LDAH: variants seen among roughly 807,000 people sequenced by gnomAD.
LDAH encodes the protein lipid droplet associated hydrolase.
Under a neutral mutation model 29.6 loss-of-function variants are expected in LDAH, and 26 were observed. That is an observed-to-expected ratio of 0.88 (90% confidence interval 0.64 to 1.22). The LOEUF is 1.22. Ranked by LOEUF, LDAH falls within the 50% of genes most tolerant of loss-of-function variation. LDAH has a pLI of 0.00. For synonymous variants in LDAH, 117 were observed against 133.0 expected (o/e 0.88, Z 0.83); for missense variants, 344 against 387.3 (o/e 0.89, Z 0.94).
chr2:20,704,591 A>C (rs1001296588), intron 5 of LDAH, among the ~76,000 whole-genome samples: 1 of 152,240 alleles, frequency 6.6e-6, no homozygotes, highest in African/African-American at 2.4e-5. Flanking sequence ...TATTGTAAAG[A>C]TACATTATGT....
chr2:20,717,043 A>G (rs1037527477), intron 5 of LDAH, among the ~76,000 whole-genome samples: 1 of 152,186 alleles, frequency 6.6e-6, no homozygotes, highest in Non-Finnish European at 1.5e-5. Context: ...GGTCAACTGG[A>G]TAGTCCTATG....
At chr2:20,716,122 G>A (rs1665160777) in intron 5 of LDAH, among the ~76,000 whole-genome samples, 8 of 152,174 alleles carry the variant, frequency 5.3e-5, no homozygotes, top group Admixed American at 3.3e-4. Flanking sequence ...CTTTTACACT[G>A]TTTGTTGGAG....
rs1383320763 is a variant in LDAH at position 20,684,259 on chromosome 2, G to C, written c.*2644C>G. On this transcript the variant is annotated 3_prime_UTR_variant, in exon 7 of 7. Coordinates refer to ENST00000237822, the MANE Select transcript of LDAH (RefSeq NM_021925.4). ...AATTAACAGTGGCATCTTACTCCCAGCTAATCTTCAGACCTCATTCAAGTT... is the reference window on the plus strand; with the variant it reads ...AATTAACAGTGGCATCTTACTCCCACCTAATCTTCAGACCTCATTCAAGTT... 2 of 152,112 alleles carry C rather than the reference G, an allele frequency of 1.3e-5. No homozygotes were observed. Among genetic ancestry groups the C allele is most frequent in the African/African-American group, 4.8e-5 (2 of 41,418 alleles). 9.4% of individuals were successfully genotyped at this position (152,112 alleles called of 1,614,324 possible).
chr2:20,805,362 T>G (rs1671991634), intron 1 of LDAH, among the ~76,000 whole-genome samples: 1 of 152,188 alleles, frequency 6.6e-6, no homozygotes, highest in Non-Finnish European at 1.5e-5. Flanking sequence ...TAAAGCATCG[T>G]TTATTTTACT....
intron 4 of LDAH, among the ~76,000 whole-genome samples, chr2:20,741,922 T>C (rs1054099444): frequency 1.3e-5 from 2 of 152,246 alleles, no homozygotes; most frequent in Non-Finnish European, 2.9e-5. Flanking sequence ...GGTGTTTCAA[T>C]GGACATGGAG....
chr2:20,757,569 T>C (rs1668416463), intron 4 of LDAH, among the ~76,000 whole-genome samples: 1 of 152,208 alleles, frequency 6.6e-6, no homozygotes, highest in African/African-American at 2.4e-5. Context: ...CAATTTTACA[T>C]GTCAGCTTGA....
rs73241172 is a variant in LDAH at position 20,759,226 on chromosome 2, A to G, written c.468+15584T>C. ...CATGCATGCTCCCTCTGGTCTCTATATGACTGACCCTGGAAAATGATTTAC... is the reference window on the plus strand; with the variant it reads ...CATGCATGCTCCCTCTGGTCTCTATGTGACTGACCCTGGAAAATGATTTAC... On this transcript the variant is annotated intron_variant, in intron 4 of 6. Coordinates refer to ENST00000237822, the MANE Select transcript of LDAH (RefSeq NM_021925.4). Among the ~76,000 whole-genome samples, 256 of 152,250 alleles carry G rather than the reference A, an allele frequency of 1.7e-3. 1 individual carries two copies. The highest frequency in any genetic ancestry group is 5.3e-3 in the African/African-American group (221 of 41,550).
intron 2 of LDAH, among the ~76,000 whole-genome samples, chr2:20,793,610 C>G (rs571405): frequency 0.019 from 2,815 of 152,100 alleles, 90 homozygotes; most frequent in African/African-American, 0.065. Flanking sequence ...ACCTTTTGGG[C>G]CATGATAAGT....
At chr2:20,808,401 C>T (rs530968373) in intron 1 of LDAH, among the ~76,000 whole-genome samples, 2 of 151,990 alleles carry the variant, frequency 1.3e-5, no homozygotes, top group Non-Finnish European at 2.9e-5. Context: ...GTGGCTCACA[C>T]GCCTGTAATC....
chr2:20,703,476 GT>G (rs931520790), intron 5 of LDAH, among the ~76,000 whole-genome samples: 63 of 152,078 alleles, frequency 4.1e-4, no homozygotes, highest in Admixed American at 1.5e-3. Flanking sequence ...TTCTCAACAT[GT>G]TTATATCTTA....
At position 20,766,877 on chromosome 2, in the gene LDAH, G is replaced by A. The variant is rs180802159; in HGVS notation, c.468+7933C>T. On this transcript the variant is annotated intron_variant, in intron 4 of 6. Coordinates refer to ENST00000237822, the MANE Select transcript of LDAH (RefSeq NM_021925.4). The stretch of plus-strand genomic sequence containing the variant: ...GACTGTGACGCCTGCTTCGGGGACC[G>A]GCCAGCAGTGGAGGGTTTCTGTGCC... 2.3e-3 allele frequency among the ~76,000 whole-genome samples: 355 copies of A among 152,276 alleles called. 1 individual carries two copies. Among genetic ancestry groups the A allele is most frequent in the Middle Eastern group, 0.01 (3 of 294 alleles).
intron 5 of LDAH, among the ~76,000 whole-genome samples, chr2:20,712,451 A>C (rs1664838836): frequency 6.6e-6 from 1 of 152,356 alleles, no homozygotes; most frequent in Non-Finnish European, 1.5e-5. Flanking sequence ...AGAAAAGCTG[A>C]AAATTCTAAA....
intron 4 of LDAH, among the ~76,000 whole-genome samples, chr2:20,754,379 T>C (rs1431881865): frequency 2.0e-5 from 3 of 150,934 alleles, no homozygotes; most frequent in Admixed American, 2.0e-4. Context: ...TAATCCCAGC[T>C]ACTCGGGAGG....
In LDAH at chr2:20,740,282, T is replaced by TA. The variant is rs1667086294; in HGVS notation, c.469-78dup. ...ATTACTTATTGTCTCTTCTATATAG[T>TA]AATGACAAATGAATGGGTTTTAGAA... On this transcript the variant is annotated intron_variant, in intron 4 of 6. Transcript: ENST00000237822. 3.2e-6 allele frequency: 3 copies of TA among 935,664 alleles called. No homozygotes were observed. The African/African-American group carries it at 5.0e-5, about 16-fold the overall frequency. 58.0% of individuals were successfully genotyped at this position (935,664 alleles called of 1,614,324 possible).
chr2:20,783,448 C>A (rs2125049152), intron 3 of LDAH, among the ~76,000 whole-genome samples: 1 of 152,282 alleles, frequency 6.6e-6, no homozygotes, highest in South Asian at 2.1e-4. Flanking sequence ...ATCAGTTTTG[C>A]CTCCTGCATT....
chr2:20,688,101 G>A (rs1359703448), intron 6 of LDAH, among the ~76,000 whole-genome samples: 1 of 152,164 alleles, frequency 6.6e-6, no homozygotes, highest in Non-Finnish European at 1.5e-5. Context: ...TTTGTATTAG[G>A]AACCTGGAAA....
chr2:20,786,813 G>A (rs1670587173), intron 3 of LDAH, among the ~76,000 whole-genome samples: 2 of 152,152 alleles, frequency 1.3e-5, no homozygotes, highest in East Asian at 3.9e-4. Context: ...ATGAAGGCTA[G>A]GGGAAGACGG....
intron 1 of LDAH, among the ~76,000 whole-genome samples, chr2:20,808,094 CA>C (rs749394122): frequency 6.6e-6 from 1 of 151,994 alleles, no homozygotes; most frequent in African/African-American, 2.4e-5. Context: ...ATAACAGCAT[CA>C]AAAAAATCAA....
chr2:20,782,653 A>C (rs1392408914), intron 3 of LDAH, among the ~76,000 whole-genome samples: 1 of 152,136 alleles, frequency 6.6e-6, no homozygotes, highest in Non-Finnish European at 1.5e-5. Flanking sequence ...TATCTAAGAG[A>C]TCAGCAGCAA....
Sources: gnomAD v4.1 joint callset for allele counts (sites outside exome capture counted in the v4.1 genomes callset) on GRCh38, gnomAD v4.1.1 for gene constraint, MANE v1.5 for transcripts, NCBI Gene and HGNC (gene_info 2026-07-23, HGNC 2026-07-21) for gene names.